The following ANKRD44 variants were observed in gnomAD, a reference collection of about 807,000 sequenced individuals.
ANKRD44 encodes serine/threonine-protein phosphatase 6 regulatory ankyrin repeat subunit B.
ANKRD44 carries 35 observed loss-of-function variants against 116.0 expected under a neutral mutation model. That is an observed-to-expected ratio of 0.30 (90% CI 0.23 to 0.40). ANKRD44 has a LOEUF of 0.40. Ranked by LOEUF, ANKRD44 falls within the 10% of genes least tolerant of loss-of-function variation. ANKRD44 has a pLI of 1.00. For missense variants in ANKRD44, 1,014 were observed against 1,242.6 expected, an observed-to-expected ratio of 0.82 and a Z score of 2.77; for synonymous variants, 435 against 461.8, an observed-to-expected ratio of 0.94 and a Z score of 0.74.
chr2:197,235,509 G>A (rs1006424442), intron 1 of ANKRD44, among the ~76,000 whole-genome samples: 5 of 151,752 alleles, frequency 3.3e-5, no homozygotes, highest in African/African-American at 1.2e-4. Flanking sequence ...CCAGCTACTT[G>A]GGAGGCTGAG....
Position 196,986,963 on chromosome 2 carries a change from T to C in ANKRD44, c.*2628A>G, listed in dbSNP as rs2125869067. The C allele has an allele frequency of 1.0e-6, 1 of 985,468 alleles. No homozygotes were observed. The highest frequency in any genetic ancestry group is 4.7e-5 in the South Asian group (1 of 21,290). 61.0% of individuals were successfully genotyped at this position (985,468 alleles called of 1,614,324 possible). A position where few individuals can be genotyped will look rare whatever the true frequency, so the allele number is the denominator to read the frequency against. On this transcript the variant is annotated 3_prime_UTR_variant, in exon 28 of 28. Coordinates refer to ENST00000282272, the MANE Select transcript of ANKRD44 (RefSeq NM_001195144.2). ...ATATTTTATGCTGTTACAAATATGT[T>C]ATGCAAAATATAACACTGGCACCAG... is the stretch of plus-strand genomic sequence containing the variant.
intron 9 of ANKRD44, among the ~76,000 whole-genome samples, chr2:197,100,228 A>C (rs1412475954): frequency 6.6e-6 from 1 of 152,138 alleles, no homozygotes; most frequent in Non-Finnish European, 1.5e-5. Context: ...CGAGGTCAGG[A>C]GTTTCAGACC....
At chr2:197,095,585 C>T (rs1280521844) in intron 10 of ANKRD44, among the ~76,000 whole-genome samples, 1 of 152,208 alleles carries the variant, frequency 6.6e-6, no homozygotes, top group African/African-American at 2.4e-5. Flanking sequence ...AAAATGTGAA[C>T]CATCACATCA....
intron 6 of ANKRD44, 61 bp downstream of exon 6, chr2:197,125,304 TACATGGTCAATGAGAG>T (rs1297101483): frequency 7.5e-7 from 1 of 1,335,518 alleles, no homozygotes; most frequent in Non-Finnish European, 1.1e-6. Flanking sequence ...GGAGAAAACC[TACATGGTCAATGAGAG>T]ACCCATGGCT....
intron 10 of ANKRD44, 90 bp downstream of exon 10, chr2:197,099,726 T>C: frequency 6.5e-7 from 1 of 1,538,846 alleles, no homozygotes; most frequent in Non-Finnish European, 8.7e-7. Flanking sequence ...TTAACCTGGA[T>C]AAATGGGAAC....
intron 1 of ANKRD44, among the ~76,000 whole-genome samples, chr2:197,262,548 T>C (rs2082632860): frequency 6.6e-6 from 1 of 152,224 alleles, no homozygotes; most frequent in African/African-American, 2.4e-5. Flanking sequence ...AATTTCAACC[T>C]ACCAAAATGA....
rs1340681550 is a variant in ANKRD44, at chr2:197,194,009, A to G, written c.28-6903T>C. ...GATGATTGTTTACCTTAACAAGCTC[A>G]AAAACCTTCATAGACAAGTACCTTT... On this transcript the variant is annotated intron_variant, in intron 1 of 27. Coordinates refer to ENST00000282272, the MANE Select transcript of ANKRD44 (RefSeq NM_001195144.2). Among the ~76,000 whole-genome samples, 4 of 152,378 alleles carry G rather than the reference A, an allele frequency of 2.6e-5. No homozygotes were observed. In the East Asian group the frequency reaches 5.8e-4, roughly 22 times the overall value.
chr2:197,140,345 A>C (rs2079331209), intron 3 of ANKRD44, among the ~76,000 whole-genome samples: 2 of 151,780 alleles, frequency 1.3e-5, no homozygotes, highest in Non-Finnish European at 2.9e-5. Context: ...TTTTAGAGAC[A>C]GGGTCTCACT....
intron 1 of ANKRD44, among the ~76,000 whole-genome samples, chr2:197,293,144 G>A (rs1385698922): frequency 6.6e-6 from 1 of 151,988 alleles, no homozygotes; most frequent in Non-Finnish European, 1.5e-5. Context: ...CTCTGTTCAT[G>A]GTAAAGATCC....
chr2:197,071,158 C>A (rs927412147), intron 16 of ANKRD44, among the ~76,000 whole-genome samples: 2 of 152,036 alleles, frequency 1.3e-5, no homozygotes, highest in Non-Finnish European at 2.9e-5. Flanking sequence ...TTCAAAGAAC[C>A]AGATTTTTGT....
chr2:196,967,253 GGTGC>G (rs770032164), exon 22 of ANKRD44: 157 of 271,650 alleles, frequency 5.8e-4, no homozygotes, highest in Non-Finnish European at 1.1e-3. Flanking sequence ...GAAAATAAAG[GGTGC>G]GTGCTTCCCA....
At chr2:197,061,628 G>GA (rs1165784818) in intron 16 of ANKRD44, among the ~76,000 whole-genome samples, 1 of 152,208 alleles carries the variant, frequency 6.6e-6, no homozygotes, top group East Asian at 1.9e-4. Context: ...GCAGAATATG[G>GA]GGGCAGGGCC....
In ANKRD44 at chr2:197,310,560, G is replaced by T; in HGVS notation, c.27+18C>A. On this transcript the variant is annotated intron_variant, in intron 1 of 27. Coordinates refer to ENST00000282272, the MANE Select transcript of ANKRD44 (RefSeq NM_001195144.2). ...CCCGCGCCCGCGCGTCCCGCCCGCC[G>T]GCGCCGCCGCCCGCTACCTGGTCGG... is the stretch of plus-strand genomic sequence containing the variant. The T allele has an allele frequency of 2.6e-6, 3 of 1,164,470 alleles. No homozygotes were observed. Among genetic ancestry groups the T allele is most frequent in the East Asian group, 5.9e-5 (1 of 16,908 alleles). 72.1% of individuals were successfully genotyped at this position (1,164,470 alleles called of 1,614,324 possible).
chr2:197,135,847 C>G (rs1446226804), intron 4 of ANKRD44: 1 of 152,556 alleles, frequency 6.6e-6, no homozygotes, highest in Non-Finnish European at 1.5e-5. Context: ...GTACTAAATC[C>G]TGCCAGGTTT....
chr2:197,171,611 A>C (rs1287220471), intron 2 of ANKRD44, among the ~76,000 whole-genome samples: 1 of 152,228 alleles, frequency 6.6e-6, no homozygotes, highest in Non-Finnish European at 1.5e-5. Flanking sequence ...ATAATGGTGG[A>C]TGTAAGATAT....
intron 1 of ANKRD44, among the ~76,000 whole-genome samples, chr2:197,304,235 A>G (rs1244361227): frequency 6.6e-6 from 1 of 152,098 alleles, no homozygotes; most frequent in Admixed American, 6.6e-5. Flanking sequence ...GAACCCCAGG[A>G]GGGGGTCGGC....
chr2:197,282,025 G>A (rs377083010), intron 1 of ANKRD44, among the ~76,000 whole-genome samples: 1 of 152,066 alleles, frequency 6.6e-6, no homozygotes, highest in African/African-American at 2.4e-5. Flanking sequence ...AGGCCGAGGC[G>A]GGCAGATCAC....
intron 20 of ANKRD44, 53 bp downstream of exon 20, chr2:197,007,753 A>G: frequency 1.7e-6 from 2 of 1,192,076 alleles, no homozygotes. Flanking sequence ...CTAAAAAAGA[A>G]AACAAGCTCA....
intron 1 of ANKRD44, among the ~76,000 whole-genome samples, chr2:197,262,877 C>G (rs2082641713): frequency 4.2e-5 from 2 of 47,324 alleles, no homozygotes. Flanking sequence ...TGCACTCCAG[C>G]CTGGGAAACA....
Sources: allele counts gnomAD v4.1 joint callset (sites outside exome capture counted in the v4.1 genomes callset), GRCh38; gene constraint gnomAD v4.1.1; transcripts MANE v1.5; gene names NCBI Gene and HGNC (gene_info 2026-07-23, HGNC 2026-07-21).